Variants in TGFBR2 observed in about 807,000 individuals in gnomAD.
The protein encoded by TGFBR2 is transforming growth factor beta receptor 2.
TGFBR2 carries 18 observed loss-of-function variants against 49.0 expected under a neutral mutation model. That is an observed-to-expected ratio of 0.37 (90% CI 0.25 to 0.54). TGFBR2 has a LOEUF of 0.54. TGFBR2 is among the 20% of genes least tolerant of loss of function. The probability of loss-of-function intolerance (pLI) is 0.85; values close to 1 mark genes in which losing one functional copy is unlikely to be tolerated. For missense variants in TGFBR2, 525 were observed against 722.6 expected (o/e 0.73, Z 3.13); for synonymous variants, 282 against 275.9 (o/e 1.02, Z -0.22).
At chr3:30,658,323 T>C (rs1196766743) in intron 3 of TGFBR2, among the ~76,000 whole-genome samples, 1 of 152,256 alleles carries the variant, frequency 6.6e-6, no homozygotes, top group Admixed American at 6.5e-5. Flanking sequence ...TACCCTGTTT[T>C]CTCACATTTA....
intron 1 of TGFBR2, among the ~76,000 whole-genome samples, chr3:30,609,260 A>C (rs1697989378): frequency 6.6e-6 from 1 of 152,226 alleles, no homozygotes; most frequent in South Asian, 2.1e-4. Context: ...TGAAGACGAG[A>C]AACCTAATTC....
chr3:30,664,675 C>T lies in TGFBR2; in HGVS notation c.455-6963C>T, dbSNP rs188301161. Among the ~76,000 whole-genome samples, 25 of 152,338 alleles carry T rather than the reference C, an allele frequency of 1.6e-4. No homozygotes were observed. In the East Asian group the frequency reaches 3.5e-3, roughly 21 times the overall value. On this transcript the variant is annotated intron_variant, in intron 3 of 6. Coordinates refer to ENST00000295754, the MANE Select transcript of TGFBR2 (RefSeq NM_003242.6). ...GCATGTGCGCACACACATGCACACGCGCGTGCGCGCACACACACGTTGCTC... is the reference window on the plus strand; with the variant it reads ...GCATGTGCGCACACACATGCACACGTGCGTGCGCGCACACACACGTTGCTC...
chr3:30,686,259 G>A (rs1423891011), intron 5 of TGFBR2, among the ~76,000 whole-genome samples: 1 of 152,190 alleles, frequency 6.6e-6, no homozygotes, highest in East Asian at 1.9e-4. Flanking sequence ...TGTGCCTTAG[G>A]CATTTACAGT....
In TGFBR2 at chr3:30,618,164, A is replaced by G. The variant is rs142747069; in HGVS notation, c.94+11187A>G. On this transcript the variant is annotated intron_variant, in intron 1 of 6. Transcript: ENST00000295754. Reference sequence around the variant, plus strand: ...GTCATCCTTCATGAGTCTTTTGTCCACTGATTGTCCATCCCTTGACCATGG... The same window carrying G: ...GTCATCCTTCATGAGTCTTTTGTCCGCTGATTGTCCATCCCTTGACCATGG... Among the ~76,000 whole-genome samples the G allele has an allele frequency of 3.1e-3, 469 of 151,438 alleles. 6 individuals are homozygous for G. Among genetic ancestry groups the G allele is most frequent in the South Asian group, 7.5e-3 (36 of 4,806 alleles).
chr3:30,655,353 T>C (rs1698975755), intron 3 of TGFBR2, among the ~76,000 whole-genome samples: 2 of 152,192 alleles, frequency 1.3e-5, no homozygotes, highest in African/African-American at 4.8e-5. Flanking sequence ...CCACAAGGTT[T>C]TGGAGGGGCT....
chr3:30,646,746 C>T (rs1422186781), intron 2 of TGFBR2, among the ~76,000 whole-genome samples: 1 of 152,078 alleles, frequency 6.6e-6, no homozygotes, highest in Non-Finnish European at 1.5e-5. Flanking sequence ...AAGCTTCCTT[C>T]CGTGGTTTCT....
chr3:30,608,792 G>A (rs1303727902), intron 1 of TGFBR2, among the ~76,000 whole-genome samples: 1 of 152,170 alleles, frequency 6.6e-6, no homozygotes, highest in African/African-American at 2.4e-5. Flanking sequence ...TTCCTGCATT[G>A]CAGTACCAGA....
chr3:30,622,648 G>A (rs1465454377), intron 1 of TGFBR2, among the ~76,000 whole-genome samples: 5 of 152,022 alleles, frequency 3.3e-5, no homozygotes, highest in South Asian at 4.1e-4. Flanking sequence ...TTGGGAGGCC[G>A]AGGCAGGCGG....
At chr3:30,623,907 C>T (rs1031741305) in intron 1 of TGFBR2, among the ~76,000 whole-genome samples, 18 of 152,124 alleles carry the variant, frequency 1.2e-4, no homozygotes, top group African/African-American at 4.3e-4. Context: ...TTTGTGAGGC[C>T]AAGGTAGGTG....
rs921679311 is a variant in TGFBR2 at position 30,692,641 on chromosome 3, C to T, written c.*1042C>T. 15 of 233,052 alleles carry T rather than the reference C, an allele frequency of 6.4e-5. No individual in the cohort carries two copies. The highest frequency in any genetic ancestry group is 2.9e-4 in the African/African-American group (13 of 45,308). 14.4% of individuals were successfully genotyped at this position (233,052 alleles called of 1,614,324 possible). On this transcript the variant is annotated 3_prime_UTR_variant, in exon 7 of 7. Coordinates refer to ENST00000295754, the MANE Select transcript of TGFBR2 (RefSeq NM_003242.6). ...GATTTTCTAGTTTTCTATACAAACACCAATGGGTTCCATCTTTCTGGGCTC... is the reference window on the plus strand; with the variant it reads ...GATTTTCTAGTTTTCTATACAAACATCAATGGGTTCCATCTTTCTGGGCTC...
intron 1 of TGFBR2, among the ~76,000 whole-genome samples, chr3:30,635,329 G>A (rs550619006): frequency 3.3e-5 from 5 of 152,112 alleles, no homozygotes; most frequent in African/African-American, 1.2e-4. Flanking sequence ...GAGGTCCCCT[G>A]CCACTAAAAA....
At chr3:30,609,831 A>T (rs752121687) in intron 1 of TGFBR2, among the ~76,000 whole-genome samples, 3 of 152,204 alleles carry the variant, frequency 2.0e-5, no homozygotes, top group Non-Finnish European at 4.4e-5. Context: ...TTTCCGCCTC[A>T]TAAAAACACA....
chr3:30,650,263 A>G lies in TGFBR2; in HGVS notation c.264-7A>G, dbSNP rs1001983657. 3.7e-6 allele frequency: 6 copies of G among 1,613,278 alleles called. No individual in the cohort carries two copies. The highest frequency in any genetic ancestry group is 5.1e-6 in the Non-Finnish European group (6 of 1,179,596). Reference sequence around the variant, plus strand: ...CCCCTCGCTTCCAATGAATCTCTTCACTCTAGGAGAAAGAATGACGAGAAC... The same window carrying G: ...CCCCTCGCTTCCAATGAATCTCTTCGCTCTAGGAGAAAGAATGACGAGAAC... On this transcript the variant is annotated splice_polypyrimidine_tract_variant and splice_region_variant and intron_variant, in intron 2 of 6. Transcript: ENST00000295754.
intron 1 of TGFBR2, among the ~76,000 whole-genome samples, chr3:30,621,278 C>CTTTTT (rs10688941): frequency 3.4e-4 from 40 of 116,242 alleles, no homozygotes; most frequent in Non-Finnish European, 4.5e-4. Flanking sequence ...TTTTAATATT[C>CTTTTT]TTTTTTTTTT....
Position 30,620,123 on chromosome 3 carries a change from T to C in TGFBR2, c.94+13146T>C, listed in dbSNP as rs17025754. ...AATGGCGTGAACCTGGGAGGCGGAG[T>C]TTGCAGTGAGCCGAGATCGCGCCAC... On this transcript the variant is annotated intron_variant, in intron 1 of 6. Transcript: ENST00000295754. Among the ~76,000 whole-genome samples the C allele has an allele frequency of 3.4e-3, 513 of 151,778 alleles. 1 individual carries two copies. The highest frequency in any genetic ancestry group is 0.025 in the East Asian group (126 of 5,142).
rs545712010 is a variant in TGFBR2 at position 30,672,767 on chromosome 3, C to T, written c.1254+330C>T. On this transcript the variant is annotated intron_variant, in intron 4 of 6. Transcript: ENST00000295754. The surrounding 1 kb of genome is among the most constrained non-coding windows in gnomAD (Gnocchi z 4.5). ...TACTTTACCTCTATTTTTTCCCTCT[C>T]TTATGGTTGTACTCAGTCCTTTCTG... Among the ~76,000 whole-genome samples the T allele has an allele frequency of 2.0e-5, 3 of 152,042 alleles. No individual in the cohort carries two copies. The highest frequency in any genetic ancestry group is 2.9e-5 in the Non-Finnish European group (2 of 68,006).
At chr3:30,666,023 C>T (rs1317026264) in intron 3 of TGFBR2, among the ~76,000 whole-genome samples, 2 of 152,104 alleles carry the variant, frequency 1.3e-5, no homozygotes, top group Non-Finnish European at 2.9e-5. Flanking sequence ...CATGCTGAGA[C>T]GTCTGCAACA....
intron 1 of TGFBR2, among the ~76,000 whole-genome samples, chr3:30,624,619 GA>G (rs372402705): frequency 5.0e-4 from 71 of 140,618 alleles, no homozygotes; most frequent in Middle Eastern, 3.5e-3. Flanking sequence ...CGTCTCAAAG[GA>G]AAAAAAAAAA....
Position 30,676,255 on chromosome 3 carries a change from A to G in TGFBR2, c.1396+2009A>G, listed in dbSNP as rs1051583714. 6.6e-6 allele frequency among the ~76,000 whole-genome samples: 1 copy of G among 152,224 alleles called. No individual in the cohort carries two copies. The highest frequency in any genetic ancestry group is 2.4e-5 in the African/African-American group (1 of 41,460). On this transcript the variant is annotated intron_variant, in intron 5 of 6. Coordinates refer to ENST00000295754, the MANE Select transcript of TGFBR2 (RefSeq NM_003242.6). This position sits in a 1 kb window ranked among gnomAD's most constrained non-coding sequence, Gnocchi z 4.3. ...TGCTGCTATTTGTCCATTTGTAAGT[A>G]ATACATGCCTTTGACCTGTTTCTAA...
Sources: allele counts gnomAD v4.1 joint callset (sites outside exome capture counted in the v4.1 genomes callset), GRCh38; gene constraint gnomAD v4.1.1; non-coding constraint Gnocchi (gnomAD v3.1); transcripts MANE v1.5; gene names NCBI Gene and HGNC (gene_info 2026-07-23, HGNC 2026-07-21).